THRB: variants seen among roughly 807,000 people sequenced by gnomAD.
THRB encodes the protein nuclear receptor subfamily 1 group A member 2.
THRB carries 12 observed loss-of-function variants against 47.8 expected under a neutral mutation model. The observed-to-expected ratio is 0.25, with a 90% CI of 0.16 to 0.41. THRB has a LOEUF of 0.41. THRB is among the 10% of genes least tolerant of loss of function. The pLI is 1.00. For missense variants in THRB, 348 were observed against 589.2 expected, an observed-to-expected ratio of 0.59 and a Z score of 4.24; for synonymous variants, 218 against 212.2, an observed-to-expected ratio of 1.03 and a Z score of -0.24.
rs537205890 is a variant in THRB at position 24,191,968 on chromosome 3, G to A, written c.23-1634C>T. Among the ~76,000 whole-genome samples the A allele has an allele frequency of 3.3e-5, 5 of 152,320 alleles. No homozygotes were observed. In the South Asian group the frequency reaches 1.0e-3, roughly 32 times the overall value. On this transcript the variant is annotated intron_variant, in intron 4 of 10. Transcript: ENST00000646209. ...GTAACATTTGATCTTATTCAGAGAA[G>A]AGCTCTGAAAATTCACTGTATGCAA... is the stretch of plus-strand genomic sequence containing the variant.
At chr3:24,165,227 GC>G in intron 5 of THRB, 1 of 765,124 alleles carries the variant, frequency 1.3e-6, no homozygotes, top group South Asian at 1.3e-5. Flanking sequence ...ACTGGGCACA[GC>G]CTGAGCATCG....
chr3:24,331,563 T>C (rs2061930156), intron 2 of THRB, among the ~76,000 whole-genome samples: 1 of 152,198 alleles, frequency 6.6e-6, no homozygotes, highest in African/African-American at 2.4e-5. Flanking sequence ...TTGCTATTGG[T>C]GGTATGGAGC....
intron 5 of THRB, among the ~76,000 whole-genome samples, chr3:24,179,752 A>G (rs958959376): frequency 2.0e-5 from 3 of 152,234 alleles, no homozygotes; most frequent in African/African-American, 7.2e-5. Flanking sequence ...GATTCATTAA[A>G]AAAGGGGGTC....
intron 3 of THRB, among the ~76,000 whole-genome samples, chr3:24,276,236 A>T (rs1320220659): frequency 1.3e-5 from 2 of 152,180 alleles, no homozygotes; most frequent in Non-Finnish European, 2.9e-5. Flanking sequence ...ATTGGTATTC[A>T]CATTGTACAA....
At chr3:24,347,596 TA>T (rs911242754) in intron 1 of THRB, among the ~76,000 whole-genome samples, 1 of 150,782 alleles carries the variant, frequency 6.6e-6, no homozygotes, top group African/African-American at 2.4e-5. Flanking sequence ...TTTTTCTTTT[TA>T]AAGAAAAAAA....
chr3:24,316,271 T>C (rs1035646164), intron 2 of THRB, among the ~76,000 whole-genome samples: 1 of 152,214 alleles, frequency 6.6e-6, no homozygotes, highest in Non-Finnish European at 1.5e-5. Flanking sequence ...CACATACTTC[T>C]AAAAGCCTGA....
intron 1 of THRB, among the ~76,000 whole-genome samples, chr3:24,368,008 T>C (rs1223929082): frequency 6.6e-6 from 1 of 152,116 alleles, no homozygotes; most frequent in Non-Finnish European, 1.5e-5. Context: ...CAAAAACAGT[T>C]GGAGAGCCAG....
intron 10 of THRB, among the ~76,000 whole-genome samples, chr3:24,127,207 G>A (rs2148828835): frequency 6.6e-6 from 1 of 152,288 alleles, no homozygotes; most frequent in South Asian, 2.1e-4. Context: ...GGCAGGTTTG[G>A]CCAAAGACTA....
chr3:24,341,178 CTTTCCTTTCG>C (rs1304631862), intron 1 of THRB, among the ~76,000 whole-genome samples: 62 of 101,626 alleles, frequency 6.1e-4, no homozygotes, highest in African/African-American at 3.1e-3. Context: ...TATTCCTTTC[CTTTCCTTTCG>C]TTTCCTTTCC....
chr3:24,156,313 G>A (rs533929079), intron 5 of THRB, among the ~76,000 whole-genome samples: 1 of 152,312 alleles, frequency 6.6e-6, no homozygotes, highest in African/African-American at 2.4e-5. Context: ...TAATTCTTTT[G>A]AGTGAATTAT....
At chr3:24,398,976 G>A (rs1028878039) in intron 1 of THRB, among the ~76,000 whole-genome samples, 1 of 151,824 alleles carries the variant, frequency 6.6e-6, no homozygotes, top group Admixed American at 6.6e-5. Flanking sequence ...ACTATCGCAA[G>A]GACAAAAAAC....
chr3:24,489,778 A>C (rs1475385583), intron 1 of THRB, among the ~76,000 whole-genome samples: 1 of 152,214 alleles, frequency 6.6e-6, no homozygotes, highest in Non-Finnish European at 1.5e-5. Flanking sequence ...TCCTGAGAGG[A>C]AGATATGGAA....
At chr3:24,179,115 C>T (rs183517439) in intron 5 of THRB, among the ~76,000 whole-genome samples, 1 of 152,302 alleles carries the variant, frequency 6.6e-6, no homozygotes, top group East Asian at 1.9e-4. Context: ...GGTGGCCTCT[C>T]CCAGCCCTAT....
intron 1 of THRB, among the ~76,000 whole-genome samples, chr3:24,340,678 A>G (rs994117146): frequency 6.6e-6 from 1 of 152,244 alleles, no homozygotes; most frequent in African/African-American, 2.4e-5. Flanking sequence ...ACAAATCTCA[A>G]TAGAATTGGC....
chr3:24,220,214 G>C (rs1576023366), intron 4 of THRB, among the ~76,000 whole-genome samples: 1 of 152,192 alleles, frequency 6.6e-6, no homozygotes, highest in African/African-American at 2.4e-5. Flanking sequence ...AGAGTGGCCA[G>C]GTGTGGTGGC....
intron 1 of THRB, among the ~76,000 whole-genome samples, chr3:24,408,239 A>G (rs950727723): frequency 6.6e-5 from 10 of 151,870 alleles, no homozygotes; most frequent in Non-Finnish European, 1.3e-4. Flanking sequence ...GAATAGAAAT[A>G]TATCCATCAA....
chr3:24,180,797 G>C (rs2041797824), intron 5 of THRB, among the ~76,000 whole-genome samples: 3 of 152,178 alleles, frequency 2.0e-5, no homozygotes, highest in Non-Finnish European at 4.4e-5. Context: ...GTAAGCACAG[G>C]TGATACGGTT....
intron 1 of THRB, among the ~76,000 whole-genome samples, chr3:24,429,688 T>C (rs1280720709): frequency 6.6e-6 from 1 of 152,044 alleles, no homozygotes; most frequent in Non-Finnish European, 1.5e-5. Flanking sequence ...TAATTATTTT[T>C]GTAGAGACAG....
intron 5 of THRB, among the ~76,000 whole-genome samples, chr3:24,188,927 G>A (rs1408655349): frequency 5.8e-5 from 8 of 137,506 alleles, no homozygotes; most frequent in African/African-American, 2.4e-4. Context: ...AAAGGGACAT[G>A]TATAGTTTTG....
Sources: gnomAD v4.1 joint callset for allele counts (sites outside exome capture counted in the v4.1 genomes callset) on GRCh38, gnomAD v4.1.1 for gene constraint, MANE v1.5 for transcripts, NCBI Gene and HGNC (gene_info 2026-07-23, HGNC 2026-07-21) for gene names.